Variants in BLNK observed in about 807,000 individuals in gnomAD.
BLNK encodes B cell linker, also known as B-cell linker protein.
A neutral mutation model predicts 73.5 loss-of-function variants in BLNK; 29 were observed. The observed-to-expected ratio is 0.39, with a 90% CI of 0.29 to 0.54. The LOEUF (loss-of-function observed/expected upper bound fraction) is 0.54, where lower values mean the gene tolerates loss of function less well. Among genes scored for constraint, BLNK ranks in the 20% least tolerant of loss-of-function variants. BLNK has a pLI of 0.61. For missense variants in BLNK, 460 were observed against 562.8 expected (o/e 0.82, Z 1.85); for synonymous variants, 176 against 200.8 (o/e 0.88, Z 1.04).
chr10:96,194,768 ATTTT>A (rs71034364), intron 16 of BLNK, among the ~76,000 whole-genome samples: 1 of 110,286 alleles, frequency 9.1e-6, no homozygotes. Context: ...AGAAATGCAA[ATTTT>A]TTTTTTTTTT....
At position 96,216,742 on chromosome 10, in the gene BLNK, A is replaced by T. The variant is rs782462675; in HGVS notation, c.526-8T>A. The T allele has an allele frequency of 6.2e-6, 10 of 1,612,280 alleles. No homozygotes were observed. The highest frequency in any genetic ancestry group is 8.5e-6 in the Non-Finnish European group (10 of 1,178,460). Reference sequence around the variant, plus strand: ...GGGGACCACATAATCAGCCTAACAGAAATACAAAACTGAATGAGAAGAATG... The same window carrying T: ...GGGGACCACATAATCAGCCTAACAGTAATACAAAACTGAATGAGAAGAATG... On this transcript the variant is annotated splice_polypyrimidine_tract_variant and splice_region_variant and intron_variant, in intron 6 of 16. Transcript: ENST00000224337.
intron 3 of BLNK, among the ~76,000 whole-genome samples, chr10:96,231,726 CAAAAAAAA>C (rs148206344): frequency 8.8e-6 from 1 of 113,260 alleles, no homozygotes; most frequent in Admixed American, 8.8e-5. Context: ...GACCCTGTCT[CAAAAAAAA>C]AAAAAAAAAA....
chr10:96,204,793 A>G, intron 11 of BLNK, 177 bp from the exon 12 acceptor site: 2 of 627,208 alleles, frequency 3.2e-6, no homozygotes, highest in Non-Finnish European at 5.8e-6. Context: ...TGGTTGTGCT[A>G]TGAGGACCAG....
At chr10:96,263,075 A>G (rs1591371035) in intron 1 of BLNK, among the ~76,000 whole-genome samples, 1 of 152,232 alleles carries the variant, frequency 6.6e-6, no homozygotes, top group Non-Finnish European at 1.5e-5. Flanking sequence ...TGCACATTGT[A>G]GAAGCAGGCA....
intron 3 of BLNK, among the ~76,000 whole-genome samples, chr10:96,232,635 C>T (rs986869097): frequency 6.6e-6 from 1 of 152,156 alleles, no homozygotes; most frequent in African/African-American, 2.4e-5. Flanking sequence ...AAACATGGGT[C>T]ACACTTTGAC....
intron 1 of BLNK, 142 bp downstream of exon 1, chr10:96,271,210 G>C (rs997041262): frequency 8.9e-6 from 8 of 895,580 alleles, no homozygotes; most frequent in South Asian, 1.5e-5. Flanking sequence ...TTCCCTAAAA[G>C]CTCAGTCCAC....
chr10:96,215,762 G>A (rs1410905807), intron 7 of BLNK: 1 of 184,908 alleles, frequency 5.4e-6, no homozygotes, highest in Non-Finnish European at 1.1e-5. Context: ...CTTACTGGAG[G>A]GGCCCAATTA....
intron 7 of BLNK, 143 bp downstream of exon 7, chr10:96,216,510 C>A: frequency 2.7e-6 from 2 of 737,782 alleles, no homozygotes; most frequent in Non-Finnish European, 4.9e-6. Context: ...GCCCAACCAG[C>A]CAAAGAAGCA....
At chr10:96,235,070 T>TC (rs1842647611) in intron 3 of BLNK, among the ~76,000 whole-genome samples, 1 of 152,142 alleles carries the variant, frequency 6.6e-6, no homozygotes, top group Non-Finnish European at 1.5e-5. Flanking sequence ...CATGTAGCCC[T>TC]CCCCAGCCTG....
intron 6 of BLNK, 85 bp from the exon 7 acceptor site, chr10:96,216,819 T>A (rs2084078190): frequency 4.4e-6 from 5 of 1,126,350 alleles, no homozygotes; most frequent in Admixed American, 1.8e-5. Flanking sequence ...TTAAAAAGCA[T>A]TATTGAGACG....
intron 3 of BLNK, among the ~76,000 whole-genome samples, chr10:96,237,930 T>C (rs1163187874): frequency 2.0e-5 from 3 of 152,212 alleles, no homozygotes; most frequent in African/African-American, 7.2e-5. Flanking sequence ...ATGAGAAGAT[T>C]AAATGAGATA....
chr10:96,240,095 A>G (rs116581284), intron 3 of BLNK, among the ~76,000 whole-genome samples: 8,405 of 152,178 alleles, frequency 0.055, 792 homozygotes, highest in African/African-American at 0.19. Flanking sequence ...ATTCCCCACC[A>G]TTGCACTCTT....
intron 11 of BLNK, chr10:96,205,241 A>G (rs1050958105): frequency 4.5e-5 from 7 of 156,330 alleles, no homozygotes; most frequent in Non-Finnish European, 8.5e-5. Flanking sequence ...TGAAGCCCAT[A>G]GTGAACTCTA....
At chr10:96,254,386 CG>C (rs1236998817) in intron 1 of BLNK, among the ~76,000 whole-genome samples, 1 of 152,192 alleles carries the variant, frequency 6.6e-6, no homozygotes. Context: ...TAATACAAGT[CG>C]GGCACAGTGA....
At chr10:96,197,210 G>A (rs781837707) in intron 15 of BLNK, 147 bp from the exon 16 acceptor site, 135 of 618,046 alleles carry the variant, frequency 2.2e-4, no homozygotes, top group Non-Finnish European at 2.8e-4. Flanking sequence ...ATTAGCGCTT[G>A]TCTTCTTATT....
Position 96,230,841 on chromosome 10 carries a change from C to T in BLNK, c.164-7G>A. On this transcript the variant is annotated splice_polypyrimidine_tract_variant and splice_region_variant and intron_variant, in intron 3 of 16. Transcript: ENST00000224337. ...TCTTCGTCAGCAGGGCTCTCTGCAA[C>T]AGCAGGGGAGAAGCAGAAGGCACAA... 2 of 1,610,906 alleles carry T rather than the reference C, an allele frequency of 1.2e-6. No individual in the cohort carries two copies. The highest frequency in any genetic ancestry group is 1.7e-6 in the Non-Finnish European group (2 of 1,178,732).
intron 3 of BLNK, among the ~76,000 whole-genome samples, chr10:96,235,842 T>A (rs1335003633): frequency 6.6e-6 from 1 of 152,000 alleles, no homozygotes; most frequent in Non-Finnish European, 1.5e-5. Context: ...GCAGAATGAA[T>A]GCGCTGGGCT....
intron 8 of BLNK, among the ~76,000 whole-genome samples, chr10:96,215,006 T>C (rs2084031680): frequency 6.6e-6 from 1 of 151,948 alleles, no homozygotes; most frequent in African/African-American, 2.4e-5. Context: ...CATCATGATG[T>C]TCTGAAAGAA....
At chr10:96,224,218 C>A (rs782332403) in intron 5 of BLNK, among the ~76,000 whole-genome samples, 1 of 152,138 alleles carries the variant, frequency 6.6e-6, no homozygotes. Context: ...AACATCCTTC[C>A]GGGGCAGTGA....
Sources: allele counts gnomAD v4.1 joint callset (sites outside exome capture counted in the v4.1 genomes callset), GRCh38; gene constraint gnomAD v4.1.1; transcripts MANE v1.5; gene names NCBI Gene and HGNC (gene_info 2026-07-23, HGNC 2026-07-21).